Variants in MYOF observed in about 807,000 individuals in gnomAD.
MYOF encodes myoferlin.
In MYOF, 244 loss-of-function variants were observed where a neutral mutation model predicts 284.2. The ratio of observed to expected loss-of-function variants is 0.86; its 90% CI spans 0.77 to 0.95. MYOF has a LOEUF of 0.95. MYOF is among the 40% of genes least tolerant of loss of function. The pLI is 0.00. For missense variants in MYOF, 2,496 were observed against 2,560.6 expected (o/e 0.97, Z 0.54); for synonymous variants, 904 against 919.7 (o/e 0.98, Z 0.31).
intron 5 of MYOF, among the ~76,000 whole-genome samples, chr10:93,423,525 GAAAAAAAAAA>G (rs59012520): frequency 6.7e-5 from 1 of 14,874 alleles, no homozygotes; most frequent in African/African-American, 2.6e-4. Context: ...GACTCCATCT[GAAAAAAAAAA>G]AAAAAAAAAA....
intron 1 of MYOF, among the ~76,000 whole-genome samples, chr10:93,460,337 T>G (rs775771575): frequency 7.2e-5 from 11 of 152,236 alleles, no homozygotes; most frequent in Admixed American, 3.3e-4. Flanking sequence ...CACAGGATTG[T>G]TCCAGAGTCA....
At position 93,333,316 on chromosome 10, in the gene MYOF, T is replaced by C. The variant is rs1319675303; in HGVS notation, c.4720-4A>G. On this transcript the variant is annotated splice_polypyrimidine_tract_variant and splice_region_variant and intron_variant, in intron 42 of 53. Transcript: ENST00000359263. ...TTATTTTTATGTAAGGGTCACACTG[T>C]GGGACAAAATAGACGGGATGTTACA... 1 of 1,611,856 alleles carries C rather than the reference T, an allele frequency of 6.2e-7. No individual in the cohort carries two copies. Among genetic ancestry groups the C allele is most frequent in the Admixed American group, 1.7e-5 (1 of 60,014 alleles).
intron 36 of MYOF, among the ~76,000 whole-genome samples, chr10:93,348,116 TG>T (rs1272256266): frequency 6.6e-6 from 1 of 152,162 alleles, no homozygotes; most frequent in Non-Finnish European, 1.5e-5. Context: ...CCTGTAAGTG[TG>T]GAATCACTGA....
chr10:93,428,372 TG>T (rs544151511), intron 4 of MYOF, among the ~76,000 whole-genome samples: 4 of 10,646 alleles, frequency 3.8e-4, no homozygotes, highest in African/African-American at 5.4e-4. Context: ...AGCTAATTTT[TG>T]TTTTTTTTTT....
chr10:93,432,064 A>G (rs1044481351), intron 3 of MYOF, among the ~76,000 whole-genome samples: 1 of 152,066 alleles, frequency 6.6e-6, no homozygotes. Context: ...TTCAACAGTC[A>G]TGAATGAGAT....
Position 93,379,868 on chromosome 10 carries a change from G to A in MYOF, c.1996C>T (p.Arg666Trp), listed in dbSNP as rs372369806. 29 of 1,613,378 alleles carry A rather than the reference G, an allele frequency of 1.8e-5. No individual in the cohort carries two copies. The highest frequency in any genetic ancestry group is 1.8e-4 in the East Asian group (8 of 44,880). The change falls in exon 21 of 54, where the codon CGG (arginine) becomes TGG (tryptophan). Residue 666 changes from arginine to tryptophan, a missense_variant. By Grantham distance (101) the Arg-to-Trp change is moderately radical. Transcript: ENST00000359263. Reference protein sequence around the residue: ...AVNTLLAMAERLQTNIEALKS... With the variant: ...AVNTLLAMAEWLQTNIEALKS... ...GCAGAAAAAGAGAAACTTACCAGCC[G>A]TTCTGCCATAGCTAGGAGAGTGTTC...
intron 21 of MYOF, among the ~76,000 whole-genome samples, chr10:93,379,574 C>T (rs1846015434): frequency 6.6e-6 from 1 of 152,136 alleles, no homozygotes; most frequent in Admixed American, 6.5e-5. Flanking sequence ...TTTACCAGCC[C>T]TCCCCTCAGG....
intron 3 of MYOF, among the ~76,000 whole-genome samples, chr10:93,433,126 C>T (rs1036845655): frequency 3.9e-5 from 6 of 152,122 alleles, no homozygotes; most frequent in South Asian, 4.2e-4. Flanking sequence ...ATCCCGAAAA[C>T]GGACAGAAGA....
At chr10:93,359,348 TATTTA>T (rs59017331) in intron 29 of MYOF, among the ~76,000 whole-genome samples, 55,942 of 151,770 alleles carry the variant, frequency 0.37, 11,246 homozygotes, top group East Asian at 0.88. Flanking sequence ...GTTACTGTTC[TATTTA>T]ATTTATTATT....
intron 1 of MYOF, among the ~76,000 whole-genome samples, chr10:93,475,815 T>C (rs368256885): frequency 6.6e-6 from 1 of 152,040 alleles, no homozygotes; most frequent in South Asian, 2.1e-4. Flanking sequence ...AGGTGAGATG[T>C]GTTGTGAAGG....
At chr10:93,354,639 C>T (rs1197247160) in intron 31 of MYOF, among the ~76,000 whole-genome samples, 3 of 151,268 alleles carry the variant, frequency 2.0e-5, no homozygotes, top group African/African-American at 7.3e-5. Flanking sequence ...TTATTATATT[C>T]TCTCTGTCTC....
In MYOF at chr10:93,310,099, C is replaced by G. The variant is rs779713322; in HGVS notation, c.6068G>C (p.Arg2023Pro). Residue 2023 changes from arginine (R) to proline (P), a missense_variant, in exon 53 of 54, where the codon CGC becomes CCC. This residue lies in a region of MYOF where 2,436 missense variants were observed against 2,480.7 expected (regional missense o/e 0.98). Transcript: ENST00000359263. ...CKTMKFIVWR[R>P]FKWVIIGLLF... ...CAAGCCGATGATGACCCACTTAAAG[C>G]GGCGCCACACGATGAACTTCATGGT... 3 of 1,614,082 alleles carry G rather than the reference C, an allele frequency of 1.9e-6. No individual in the cohort carries two copies. The highest frequency in any genetic ancestry group is 4.5e-5 in the East Asian group (2 of 44,866).
At chr10:93,332,231 T>TTA (rs1843341373) in intron 43 of MYOF, among the ~76,000 whole-genome samples, 4 of 150,916 alleles carry the variant, frequency 2.7e-5, no homozygotes, top group Middle Eastern at 3.4e-3. Flanking sequence ...CTTTTATTTT[T>TTA]TTTTTTTGGG....
intron 3 of MYOF, among the ~76,000 whole-genome samples, chr10:93,432,403 A>G (rs1589560938): frequency 6.6e-6 from 1 of 152,202 alleles, no homozygotes; most frequent in East Asian, 1.9e-4. Flanking sequence ...AAAGAAAAAG[A>G]AAAAAGAAAG....
Position 93,361,466 on chromosome 10 carries a change from G to A in MYOF, c.2960C>T (p.Ala987Val), listed in dbSNP as rs371303456. The change falls in exon 28 of 54, where the codon GCG becomes GTG. Residue 987 changes from alanine (A) to valine (V), a missense_variant. Ala to Val is a moderately conservative substitution (Grantham distance 64). This residue lies in a region of MYOF where 2,436 missense variants were observed against 2,480.7 expected (regional missense o/e 0.98). Coordinates refer to ENST00000359263, the MANE Select transcript of MYOF (RefSeq NM_013451.4). ...DDAWSYDINR[A>V]VDEKGWEYGI... is the part of the protein sequence containing the mutation. ...TACAATGTTACCTTTCTCATCCACC[G>A]CTCGATTTATGTCATAAGACCATGC... 38 of 1,613,866 alleles carry A rather than the reference G, an allele frequency of 2.4e-5. No homozygotes were observed. In the African/African-American group the frequency reaches 3.9e-4, roughly 16 times the overall value.
chr10:93,420,578 G>A (rs1482551131), intron 5 of MYOF, among the ~76,000 whole-genome samples: 2 of 152,214 alleles, frequency 1.3e-5, no homozygotes, highest in Non-Finnish European at 2.9e-5. Flanking sequence ...ATCATAGCTA[G>A]CTTCTACAAA....
At chr10:93,404,350 A>T in intron 7 of MYOF, 131 bp from the exon 8 acceptor site, 8 of 864,938 alleles carry the variant, frequency 9.2e-6, no homozygotes, top group Non-Finnish European at 1.5e-5. Flanking sequence ...GACCATGTGA[A>T]CACATGGCAA....
At position 93,427,705 on chromosome 10, in the gene MYOF, T is replaced by C. The variant is rs566853508; in HGVS notation, c.346-1547A>G. Among the ~76,000 whole-genome samples the C allele has an allele frequency of 1.0e-3, 155 of 152,078 alleles. 2 individuals are homozygous for C. The highest frequency in any genetic ancestry group is 3.7e-3 in the African/African-American group (152 of 41,506). On this transcript the variant is annotated intron_variant, in intron 4 of 53. Coordinates refer to ENST00000359263, the MANE Select transcript of MYOF (RefSeq NM_013451.4). ...CATAATCTGTGACCTCCGAAATGCCTAGAGCCAAATGAAAAGGGAAACTGA... is the reference window on the plus strand; with the variant it reads ...CATAATCTGTGACCTCCGAAATGCCCAGAGCCAAATGAAAAGGGAAACTGA...
In MYOF at chr10:93,387,931, A is replaced by G. The variant is rs559181433; in HGVS notation, c.1582-18T>C. The G allele has an allele frequency of 1.3e-6, 2 of 1,571,356 alleles. No homozygotes were observed. Among genetic ancestry groups the G allele is most frequent in the South Asian group, 2.2e-5 (2 of 90,266 alleles). On this transcript the variant is annotated intron_variant, in intron 18 of 53. Coordinates refer to ENST00000359263, the MANE Select transcript of MYOF (RefSeq NM_013451.4). ...CCTTCCCCCTGAAAGGCAATAATCC[A>G]GGATTATTCCTCTAGGCAGCAACAG... is the stretch of plus-strand genomic sequence containing the variant.
Sources: gnomAD v4.1 joint callset for allele counts (sites outside exome capture counted in the v4.1 genomes callset) on GRCh38, gnomAD v4.1.1 for gene constraint, gnomAD v4.1.1 regional missense constraint, MANE v1.5 for transcripts, NCBI Gene and HGNC (gene_info 2026-07-23, HGNC 2026-07-21) for gene names.